The following ST6GALNAC3 variants were observed in gnomAD, a reference collection of about 807,000 sequenced individuals.
ST6GALNAC3 encodes alpha-N-acetylgalactosaminide alpha-2,6-sialyltransferase 3.
Under a neutral mutation model 32.7 loss-of-function variants are expected in ST6GALNAC3, and 25 were observed. That is an observed-to-expected ratio of 0.76 (90% CI 0.56 to 1.07). The LOEUF is 1.07. Among genes scored for constraint, ST6GALNAC3 ranks in the 50% least tolerant of loss-of-function variants. ST6GALNAC3 has a pLI of 0.00. For missense variants in ST6GALNAC3, 355 were observed against 382.4 expected (o/e 0.93, Z 0.60); for synonymous variants, 129 against 133.1 (o/e 0.97, Z 0.21).
chr1:76,403,767 C>A (rs1003512851), intron 2 of ST6GALNAC3, among the ~76,000 whole-genome samples: 5 of 151,966 alleles, frequency 3.3e-5, no homozygotes, highest in Non-Finnish European at 7.4e-5. Context: ...TTTAGCAGCA[C>A]GTCCTGAGAT....
intron 3 of ST6GALNAC3, among the ~76,000 whole-genome samples, chr1:76,582,957 T>C (rs1646912315): frequency 6.6e-6 from 1 of 152,184 alleles, no homozygotes; most frequent in African/African-American, 2.4e-5. Flanking sequence ...ATACTGCCCC[T>C]GCAGACTGGG....
chr1:76,306,056 C>G (rs1229446135), intron 1 of ST6GALNAC3: 1 of 353,516 alleles, frequency 2.8e-6, no homozygotes, highest in Non-Finnish European at 5.7e-6. Flanking sequence ...TGTCAGTAAC[C>G]AAAATACCTA....
intron 1 of ST6GALNAC3, among the ~76,000 whole-genome samples, chr1:76,213,153 A>G (rs1570456772): frequency 6.6e-6 from 1 of 152,142 alleles, no homozygotes; most frequent in East Asian, 1.9e-4. Context: ...CTCACTCTCA[A>G]GTGTTGTTGG....
At chr1:76,529,864 T>G (rs1322415725) in intron 3 of ST6GALNAC3, among the ~76,000 whole-genome samples, 1 of 152,164 alleles carries the variant, frequency 6.6e-6, no homozygotes, top group Non-Finnish European at 1.5e-5. Context: ...AACATTGGGG[T>G]GGATGATAGT....
intron 1 of ST6GALNAC3, among the ~76,000 whole-genome samples, chr1:76,272,505 C>G (rs760647851): frequency 3.2e-4 from 48 of 152,198 alleles, no homozygotes; most frequent in Non-Finnish European, 3.4e-4. Context: ...GAATCAGAAT[C>G]GAAGCCTCAG....
intron 3 of ST6GALNAC3, among the ~76,000 whole-genome samples, chr1:76,498,832 G>A (rs934206675): frequency 2.0e-5 from 3 of 151,972 alleles, no homozygotes; most frequent in African/African-American, 7.2e-5. Context: ...TCTGGGAAGA[G>A]ACTCTGCTTT....
At chr1:76,265,270 C>A (rs1012954990) in intron 1 of ST6GALNAC3, among the ~76,000 whole-genome samples, 1 of 152,094 alleles carries the variant, frequency 6.6e-6, no homozygotes, top group Non-Finnish European at 1.5e-5. Flanking sequence ...ATCAGCTATC[C>A]AGGTCATCTG....
chr1:76,512,809 A>G (rs1184073904), intron 3 of ST6GALNAC3, among the ~76,000 whole-genome samples: 1 of 152,020 alleles, frequency 6.6e-6, no homozygotes, highest in Admixed American at 6.6e-5. Context: ...ACACAAACAC[A>G]CACACTTTTT....
intron 2 of ST6GALNAC3, among the ~76,000 whole-genome samples, chr1:76,393,259 G>A (rs1039499333): frequency 6.6e-6 from 1 of 152,162 alleles, no homozygotes; most frequent in Non-Finnish European, 1.5e-5. Flanking sequence ...ACAGGTTAGT[G>A]GAATCTTTAA....
chr1:76,394,967 G>A (rs191705992), intron 2 of ST6GALNAC3, among the ~76,000 whole-genome samples: 2 of 151,674 alleles, frequency 1.3e-5, no homozygotes, highest in East Asian at 3.9e-4. Context: ...AACAAAAAAA[G>A]GTTTGTTTAC....
At chr1:76,592,650 C>A (rs1381976746) in intron 3 of ST6GALNAC3, among the ~76,000 whole-genome samples, 2 of 152,160 alleles carry the variant, frequency 1.3e-5, no homozygotes, top group African/African-American at 4.8e-5. Flanking sequence ...TCACCTCAGA[C>A]TTCCTGGTCA....
At chr1:76,530,579 C>T (rs890100726) in intron 3 of ST6GALNAC3, among the ~76,000 whole-genome samples, 1 of 152,144 alleles carries the variant, frequency 6.6e-6, no homozygotes, top group African/African-American at 2.4e-5. Context: ...CAATTGAGAC[C>T]TTGATCCCTA....
At chr1:76,556,413 T>A (rs543780162) in intron 3 of ST6GALNAC3, among the ~76,000 whole-genome samples, 6 of 152,100 alleles carry the variant, frequency 3.9e-5, no homozygotes, top group Non-Finnish European at 8.8e-5. Flanking sequence ...GTGGAATTGC[T>A]GGTGCTTATA....
chr1:76,179,897 G>A (rs1337418938), intron 1 of ST6GALNAC3, among the ~76,000 whole-genome samples: 1 of 152,142 alleles, frequency 6.6e-6, no homozygotes, highest in Admixed American at 6.5e-5. Flanking sequence ...CTTCAAGTCT[G>A]ACCAATTTTG....
intron 2 of ST6GALNAC3, 149 bp from the exon 3 acceptor site, chr1:76,411,859 C>T: frequency 1.4e-6 from 1 of 736,360 alleles, no homozygotes; most frequent in Non-Finnish European, 2.1e-6. Flanking sequence ...TAATCTGTGG[C>T]AGCGACTGTA....
chr1:76,184,519 G>GCGCGCACACACA (rs1335590722), intron 1 of ST6GALNAC3, among the ~76,000 whole-genome samples: 110 of 134,174 alleles, frequency 8.2e-4, no homozygotes, highest in Middle Eastern at 3.8e-3. Context: ...CTCCTGGGCA[G>GCGCGCACACACA]CACACACACA....
intron 3 of ST6GALNAC3, among the ~76,000 whole-genome samples, chr1:76,485,851 G>T (rs545918866): frequency 2.0e-5 from 3 of 152,248 alleles, no homozygotes; most frequent in African/African-American, 7.2e-5. Flanking sequence ...GCTTTCTCTT[G>T]TGGACATTTA....
chr1:76,224,418 G>A (rs760154847), intron 1 of ST6GALNAC3, among the ~76,000 whole-genome samples: 2 of 152,170 alleles, frequency 1.3e-5, no homozygotes, highest in African/African-American at 2.4e-5. Context: ...AAGGATAGAA[G>A]ACACATTCTT....
chr1:76,458,017 T>A (rs958464293), intron 3 of ST6GALNAC3, among the ~76,000 whole-genome samples: 53 of 147,840 alleles, frequency 3.6e-4, no homozygotes, highest in African/African-American at 1.3e-3. Flanking sequence ...GAATCTACAA[T>A]GAACTCCAAC....
Sources: allele counts gnomAD v4.1 joint callset (sites outside exome capture counted in the v4.1 genomes callset), GRCh38; gene constraint gnomAD v4.1.1; transcripts MANE v1.5; gene names NCBI Gene and HGNC (gene_info 2026-07-23, HGNC 2026-07-21).